PDS5A: variants seen among roughly 807,000 people sequenced by gnomAD.
The protein encoded by PDS5A is PDS5 cohesin associated factor A.
PDS5A carries 42 observed loss-of-function variants against 167.1 expected under a neutral mutation model. The ratio of observed to expected loss-of-function variants is 0.25; its 90% CI spans 0.20 to 0.33. The LOEUF (loss-of-function observed/expected upper bound fraction) is 0.33, where lower values mean the gene tolerates loss of function less well. PDS5A is among the 10% of genes least tolerant of loss of function. PDS5A has a pLI of 1.00. For synonymous variants in PDS5A, 553 were observed against 554.6 expected, an observed-to-expected ratio of 1.00 and a Z score of 0.04; for missense variants, 1,033 against 1,605.9, an observed-to-expected ratio of 0.64 and a Z score of 6.10.
At chr4:39,929,350 G>C (rs1185143192) in intron 2 of PDS5A, among the ~76,000 whole-genome samples, 1 of 151,550 alleles carries the variant, frequency 6.6e-6, no homozygotes, top group African/African-American at 2.4e-5. Context: ...AACATGAAAA[G>C]GGACGGCGGG....
intron 17 of PDS5A, among the ~76,000 whole-genome samples, chr4:39,889,177 G>T (rs1578676801): frequency 6.6e-6 from 1 of 152,162 alleles, no homozygotes; most frequent in African/African-American, 2.4e-5. Context: ...TATTGTTCCT[G>T]CAAGAGATTA....
At chr4:39,917,618 A>C (rs939760500) in intron 7 of PDS5A, among the ~76,000 whole-genome samples, 10 of 152,114 alleles carry the variant, frequency 6.6e-5, no homozygotes, top group Non-Finnish European at 1.3e-4. Context: ...TCTGTCACCC[A>C]GGCTAGAGTA....
At chr4:39,889,102 A>G (rs2109616846) in intron 17 of PDS5A, among the ~76,000 whole-genome samples, 1 of 152,316 alleles carries the variant, frequency 6.6e-6, no homozygotes, top group Admixed American at 6.5e-5. Context: ...ATTTAGAGAT[A>G]GGGCCTTTAA....
rs1179254297 is a variant in PDS5A at position 39,957,564 on chromosome 4, C to A, written c.138+18876G>T. 2.6e-5 allele frequency among the ~76,000 whole-genome samples: 4 copies of A among 151,658 alleles called. No individual in the cohort carries two copies. The East Asian group carries it at 7.8e-4, about 29-fold the overall frequency. ...ACTTTGGGAGGCCAAAGAGGGCGGA[C>A]CACGAGGTCAGGAGATGGAGACCAT... On this transcript the variant is annotated intron_variant, in intron 2 of 32. Coordinates refer to ENST00000303538, the MANE Select transcript of PDS5A (RefSeq NM_001100399.2).
chr4:39,968,247 C>T (rs1730167235), intron 2 of PDS5A, among the ~76,000 whole-genome samples: 1 of 151,826 alleles, frequency 6.6e-6, no homozygotes, highest in Non-Finnish European at 1.5e-5. Flanking sequence ...AGCCAGAGGA[C>T]ACCAGACCTA....
At chr4:39,836,436 A>AT (rs945671371) in intron 32 of PDS5A, among the ~76,000 whole-genome samples, 7 of 151,930 alleles carry the variant, frequency 4.6e-5, no homozygotes, top group East Asian at 1.9e-4. Flanking sequence ...GTAAATGCTA[A>AT]TTTTTTTGTT....
intron 2 of PDS5A, among the ~76,000 whole-genome samples, chr4:39,952,396 A>G (rs920672768): frequency 6.6e-6 from 1 of 152,224 alleles, no homozygotes; most frequent in Non-Finnish European, 1.5e-5. Flanking sequence ...GGTGATGTGG[A>G]AAAAATTTGT....
chr4:39,897,900 T>C (rs577371156), intron 16 of PDS5A: 1 of 317,810 alleles, frequency 3.1e-6, no homozygotes, highest in East Asian at 1.7e-4. Flanking sequence ...AATGAATGCA[T>C]AAGTTTTCCC....
chr4:39,828,229 G>C (rs10517531), intron 32 of PDS5A, among the ~76,000 whole-genome samples: 33,590 of 152,124 alleles, frequency 0.22, 4,704 homozygotes, highest in Middle Eastern at 0.33. Flanking sequence ...GCAAATAGCT[G>C]AGGGAATACA....
chr4:39,946,225 AAG>A (rs1018782945), intron 2 of PDS5A, among the ~76,000 whole-genome samples: 7 of 151,190 alleles, frequency 4.6e-5, no homozygotes, highest in Admixed American at 6.6e-5. Context: ...AAAAAAAAGA[AAG>A]AAAAAAAAAG....
At chr4:39,958,914 T>TTA (rs1481990941) in intron 2 of PDS5A, among the ~76,000 whole-genome samples, 1 of 152,158 alleles carries the variant, frequency 6.6e-6, no homozygotes, top group Non-Finnish European at 1.5e-5. Flanking sequence ...CTGCTGTACT[T>TTA]ATTTATTTTC....
At chr4:39,864,966 G>A (rs1270983924) in intron 23 of PDS5A, among the ~76,000 whole-genome samples, 1 of 152,056 alleles carries the variant, frequency 6.6e-6, no homozygotes. Flanking sequence ...GCTTTCATAT[G>A]ATTCTTTTAT....
chr4:39,888,595 T>C (rs1721689627), intron 17 of PDS5A, among the ~76,000 whole-genome samples: 2 of 151,582 alleles, frequency 1.3e-5, no homozygotes, highest in Admixed American at 1.3e-4. Context: ...CAATGAAAAA[T>C]TATTCAGCCA....
At chr4:39,919,966 A>T (rs1457615104) in intron 7 of PDS5A, among the ~76,000 whole-genome samples, 3 of 152,022 alleles carry the variant, frequency 2.0e-5, no homozygotes, top group African/African-American at 7.2e-5. Context: ...AAGAAACATT[A>T]CAGGACTTCA....
chr4:39,953,763 T>C (rs541598811), intron 2 of PDS5A, among the ~76,000 whole-genome samples: 118 of 152,170 alleles, frequency 7.8e-4, no homozygotes, highest in South Asian at 2.9e-3. Context: ...CCAACACATT[T>C]GTAAAATATA....
intron 20 of PDS5A, among the ~76,000 whole-genome samples, chr4:39,873,596 G>A (rs1720230455): frequency 6.9e-6 from 1 of 144,178 alleles, no homozygotes; most frequent in African/African-American, 2.5e-5. Context: ...AATGAGGCCA[G>A]TCATTATATG....
intron 32 of PDS5A, among the ~76,000 whole-genome samples, chr4:39,836,319 G>C (rs1268179720): frequency 2.0e-5 from 3 of 152,216 alleles, no homozygotes; most frequent in Non-Finnish European, 4.4e-5. Flanking sequence ...CTAGTACTCA[G>C]ATCAGGTTTG....
At chr4:39,837,310 G>A (rs556895913) in intron 32 of PDS5A, 2 of 153,258 alleles carry the variant, frequency 1.3e-5, no homozygotes, top group Non-Finnish European at 2.9e-5. Flanking sequence ...GGTGAAAGGA[G>A]CCACCTTCTA....
intron 26 of PDS5A, among the ~76,000 whole-genome samples, chr4:39,853,482 T>C (rs1460680649): frequency 6.6e-6 from 1 of 152,208 alleles, no homozygotes; most frequent in African/African-American, 2.4e-5. Context: ...ACTCTACTCA[T>C]ATCTAATTCT....
Sources: allele counts gnomAD v4.1 joint callset (sites outside exome capture counted in the v4.1 genomes callset), GRCh38; gene constraint gnomAD v4.1.1; transcripts MANE v1.5; gene names NCBI Gene and HGNC (gene_info 2026-07-23, HGNC 2026-07-21).